MEOX2: variants seen among roughly 807,000 people sequenced by gnomAD.
The protein encoded by MEOX2 is mesenchyme homeobox 2, also known as homeobox protein MOX-2.
Under a neutral mutation model 27.0 loss-of-function variants are expected in MEOX2, and 11 were observed. The ratio of observed to expected loss-of-function variants is 0.41; its 90% CI spans 0.26 to 0.68. MEOX2 has a LOEUF of 0.68. MEOX2 is among the 30% of genes least tolerant of loss of function. The pLI, the probability that MEOX2 is intolerant of heterozygous loss-of-function variation, is 0.33. For synonymous variants in MEOX2, 189 were observed against 155.4 expected, an observed-to-expected ratio of 1.22 and a Z score of -1.61; for missense variants, 436 against 385.4, an observed-to-expected ratio of 1.13 and a Z score of -1.10.
At chr7:15,648,819 C>A (rs1781689744) in intron 1 of MEOX2, among the ~76,000 whole-genome samples, 1 of 152,064 alleles carries the variant, frequency 6.6e-6, no homozygotes, top group Admixed American at 6.6e-5. Context: ...ATTAATCACC[C>A]AGAGGAAGTA....
chr7:15,654,448 T>C (rs567417839), intron 1 of MEOX2, among the ~76,000 whole-genome samples: 1 of 151,898 alleles, frequency 6.6e-6, no homozygotes, highest in African/African-American at 2.4e-5. Flanking sequence ...TTCAGTCTTA[T>C]GTTGAATAAG....
chr7:15,642,279 C>T lies in MEOX2; in HGVS notation c.518-15361G>A, dbSNP rs541749742. Among the ~76,000 whole-genome samples, 225 of 152,234 alleles carry T rather than the reference C, an allele frequency of 1.5e-3. 1 individual carries two copies. Among genetic ancestry groups the T allele is most frequent in the African/African-American group, 5.0e-3 (208 of 41,540 alleles). Reference sequence around the variant, plus strand: ...CACAGGTTTGTTTGCATCACATAATCCCATATTTCTGGAAGTCTTTGTTCA... The same window carrying T: ...CACAGGTTTGTTTGCATCACATAATTCCATATTTCTGGAAGTCTTTGTTCA... On this transcript the variant is annotated intron_variant, in intron 1 of 2. Coordinates refer to ENST00000262041, the MANE Select transcript of MEOX2 (RefSeq NM_005924.5).
intron 1 of MEOX2, among the ~76,000 whole-genome samples, chr7:15,683,068 G>C (rs1232274414): frequency 1.3e-5 from 2 of 151,890 alleles, no homozygotes; most frequent in Non-Finnish European, 2.9e-5. Context: ...CATTTGTGGA[G>C]GGAAAGTGCA....
intron 2 of MEOX2, among the ~76,000 whole-genome samples, chr7:15,624,035 A>T (rs1044968487): frequency 1.3e-5 from 2 of 152,262 alleles, no homozygotes; most frequent in African/African-American, 2.4e-5. Context: ...CATACCCATT[A>T]TGATATACAA....
At chr7:15,678,731 G>C (rs554890584) in intron 1 of MEOX2, among the ~76,000 whole-genome samples, 1 of 152,106 alleles carries the variant, frequency 6.6e-6, no homozygotes, top group African/African-American at 2.4e-5. Context: ...TGTCATTTCT[G>C]GCAAAAATTT....
chr7:15,672,146 T>C (rs1371804982), intron 1 of MEOX2, among the ~76,000 whole-genome samples: 1 of 152,132 alleles, frequency 6.6e-6, no homozygotes, highest in African/African-American at 2.4e-5. Flanking sequence ...AATTTGAAAT[T>C]AATCTATTTT....
In MEOX2 at chr7:15,672,414, T is replaced by G. The variant is rs185380560; in HGVS notation, c.517+13472A>C. 2.0e-5 allele frequency among the ~76,000 whole-genome samples: 3 copies of G among 152,334 alleles called. No individual in the cohort carries two copies. The East Asian group carries it at 5.8e-4, about 29-fold the overall frequency. On this transcript the variant is annotated intron_variant, in intron 1 of 2. Transcript: ENST00000262041. ...AATAATGTAATGAGGCATTCTCACA[T>G]GTTAGAAAATTAGGCTTGACAGTTT...
chr7:15,618,114 C>T (rs1583737840), intron 2 of MEOX2, among the ~76,000 whole-genome samples: 1 of 151,942 alleles, frequency 6.6e-6, no homozygotes, highest in African/African-American at 2.4e-5. Context: ...TGATTGATTC[C>T]TTTTAACTTG....
intron 1 of MEOX2, among the ~76,000 whole-genome samples, chr7:15,664,135 G>A (rs988472739): frequency 3.4e-4 from 52 of 152,132 alleles, no homozygotes; most frequent in South Asian, 2.1e-4. Flanking sequence ...ATATGTGAAG[G>A]AGATAGGTTA....
chr7:15,630,740 G>A (rs191997791), intron 1 of MEOX2, among the ~76,000 whole-genome samples: 24 of 152,024 alleles, frequency 1.6e-4, no homozygotes, highest in East Asian at 1.9e-4. Context: ...TAATTTTTAC[G>A]TAGGCATAGG....
At chr7:15,669,082 C>T (rs770803400) in intron 1 of MEOX2, among the ~76,000 whole-genome samples, 1 of 152,190 alleles carries the variant, frequency 6.6e-6, no homozygotes, top group Non-Finnish European at 1.5e-5. Context: ...ATTAATAACA[C>T]AATTACCACA....
chr7:15,671,946 A>G (rs1439104362), intron 1 of MEOX2, among the ~76,000 whole-genome samples: 3 of 152,074 alleles, frequency 2.0e-5, no homozygotes, highest in Admixed American at 1.3e-4. Context: ...TACAAAAATT[A>G]GCCAGGCATG....
At chr7:15,636,767 T>C (rs1367028567) in intron 1 of MEOX2, among the ~76,000 whole-genome samples, 2 of 152,104 alleles carry the variant, frequency 1.3e-5, no homozygotes, top group Non-Finnish European at 2.9e-5. Flanking sequence ...ATTTATTTCC[T>C]ACAATCCTAG....
At chr7:15,639,197 G>C (rs1408861636) in intron 1 of MEOX2, among the ~76,000 whole-genome samples, 2 of 152,040 alleles carry the variant, frequency 1.3e-5, no homozygotes, top group South Asian at 4.1e-4. Flanking sequence ...GTATCTCATA[G>C]GGGTTTTTAT....
chr7:15,615,970 C>T (rs1781117411), intron 2 of MEOX2, among the ~76,000 whole-genome samples: 1 of 151,748 alleles, frequency 6.6e-6, no homozygotes, highest in Non-Finnish European at 1.5e-5. Flanking sequence ...TAAGATAATT[C>T]TAAATGTAAG....
At chr7:15,617,011 A>G (rs1300228302) in intron 2 of MEOX2, among the ~76,000 whole-genome samples, 1 of 152,082 alleles carries the variant, frequency 6.6e-6, no homozygotes, top group African/African-American at 2.4e-5. Context: ...ATTACCAGAC[A>G]AAAGAAGTGA....
rs183881294 is a variant in MEOX2, at chr7:15,650,615, A to C, written c.518-23697T>G. ...ATGTGCCAGTAACTGTGCAGGGCAC[A>C]AAGATAAATGAGAAATTGTTCCTTC... On this transcript the variant is annotated intron_variant, in intron 1 of 2. Coordinates refer to ENST00000262041, the MANE Select transcript of MEOX2 (RefSeq NM_005924.5). Among the ~76,000 whole-genome samples the C allele has an allele frequency of 2.6e-3, 394 of 152,244 alleles. 1 individual carries two copies. Among genetic ancestry groups the C allele is most frequent in the African/African-American group, 9.2e-3 (384 of 41,570 alleles).
At chr7:15,624,885 T>A (rs780435686) in intron 2 of MEOX2, among the ~76,000 whole-genome samples, 2 of 152,216 alleles carry the variant, frequency 1.3e-5, no homozygotes, top group African/African-American at 2.4e-5. Context: ...TTCTTGCATG[T>A]AATTCTTTAC....
In MEOX2 at chr7:15,626,860, T is replaced by C. The variant is rs1353803603; in HGVS notation, c.576A>G (p.Thr192=). ...EVNSKPRKER[T]AFTKEQIREL... ...CTCTGATTTGCTCTTTGGTAAATGCTGTCCTTTCTTTCCTGGGTTTGCTGT... is the reference window on the plus strand; with the variant it reads ...CTCTGATTTGCTCTTTGGTAAATGCCGTCCTTTCTTTCCTGGGTTTGCTGT... The change falls in exon 2 of 3, where the codon ACA becomes ACG. Residue 192 remains threonine (T), a synonymous_variant. Coordinates refer to ENST00000262041, the MANE Select transcript of MEOX2 (RefSeq NM_005924.5). 1.9e-6 allele frequency: 3 copies of C among 1,612,360 alleles called. No individual in the cohort carries two copies. Among genetic ancestry groups the C allele is most frequent in the Non-Finnish European group, 2.5e-6 (3 of 1,179,490 alleles).
Sources: gnomAD v4.1 joint callset for allele counts (sites outside exome capture counted in the v4.1 genomes callset) on GRCh38, gnomAD v4.1.1 for gene constraint, MANE v1.5 for transcripts, NCBI Gene and HGNC (gene_info 2026-07-23, HGNC 2026-07-21) for gene names.